Variants in DGKI observed in about 807,000 individuals in gnomAD.
The protein encoded by DGKI is diacylglycerol kinase iota, also known as DAG kinase iota.
Under a neutral mutation model 147.5 loss-of-function variants are expected in DGKI, and 55 were observed. The ratio of observed to expected loss-of-function variants is 0.37; its 90% CI spans 0.30 to 0.47. The LOEUF is 0.47. Ranked by LOEUF, DGKI falls within the 20% of genes least tolerant of loss-of-function variation. The pLI is 1.00. For missense variants in DGKI, 1,007 were observed against 1,323.8 expected (o/e 0.76, Z 3.71); for synonymous variants, 469 against 477.1 (o/e 0.98, Z 0.22).
intron 5 of DGKI, among the ~76,000 whole-genome samples, chr7:137,654,332 C>A (rs1444250230): frequency 6.6e-6 from 1 of 152,132 alleles, no homozygotes; most frequent in Non-Finnish European, 1.5e-5. Context: ...TACTGTGCTG[C>A]CCCATGAATG....
In DGKI at chr7:137,642,929, AGTGTGTGTGTGTGT is replaced by A. The variant is rs1207086851; in HGVS notation, c.804+2529_804+2542del. 2.6e-4 allele frequency among the ~76,000 whole-genome samples: 32 copies of A among 121,208 alleles called. 1 individual carries two copies. In the East Asian group the frequency reaches 2.7e-3, roughly 10 times the overall value. 79.5% of individuals were successfully genotyped at this position (121,208 alleles called of 152,430 possible). On this transcript the variant is annotated intron_variant, in intron 6 of 32. Coordinates refer to ENST00000614521, the MANE Select transcript of DGKI (RefSeq NM_001321708.2). ...CATCCCAATGAGTAAATTATGGAAT[AGTGTGTGTGTGTGT>A]GTGTGTGTGTGTGTGTGTGTGTGTG... is the stretch of plus-strand genomic sequence containing the variant.
intron 1 of DGKI, among the ~76,000 whole-genome samples, chr7:137,757,609 G>A (rs895587654): frequency 5.3e-5 from 8 of 151,944 alleles, no homozygotes; most frequent in East Asian, 3.9e-4. Flanking sequence ...GTCTAAAACC[G>A]TACCCATTAT....
intron 23 of DGKI, among the ~76,000 whole-genome samples, chr7:137,482,560 C>G (rs781072736): frequency 1.3e-5 from 2 of 151,956 alleles, no homozygotes; most frequent in Non-Finnish European, 2.9e-5. Context: ...CCCCTTGGAT[C>G]TAACAGGCAT....
intron 1 of DGKI, among the ~76,000 whole-genome samples, chr7:137,701,282 A>G (rs1308421755): frequency 6.6e-6 from 1 of 152,208 alleles, no homozygotes; most frequent in Non-Finnish European, 1.5e-5. Context: ...ACATTCAAAC[A>G]AATCTGGGAG....
chr7:137,399,934 GAA>G (rs1811691157), intron 30 of DGKI, among the ~76,000 whole-genome samples: 1 of 151,230 alleles, frequency 6.6e-6, no homozygotes, highest in Non-Finnish European at 1.5e-5. Flanking sequence ...AAGAAAGAAA[GAA>G]AAGAGTCAAT....
At chr7:137,670,289 T>C (rs1164367974) in intron 3 of DGKI, among the ~76,000 whole-genome samples, 1 of 152,232 alleles carries the variant, frequency 6.6e-6, no homozygotes, top group Admixed American at 6.5e-5. Flanking sequence ...AGCCTACATA[T>C]ACTATCACTA....
At chr7:137,820,805 G>A (rs1473879037) in intron 1 of DGKI, among the ~76,000 whole-genome samples, 1 of 152,100 alleles carries the variant, frequency 6.6e-6, no homozygotes, top group African/African-American at 2.4e-5. Flanking sequence ...CTCTGGAGGT[G>A]GGGCTGTGTG....
intron 1 of DGKI, among the ~76,000 whole-genome samples, chr7:137,712,010 A>G (rs1442719769): frequency 6.6e-6 from 1 of 152,056 alleles, no homozygotes. Context: ...CCTGCTTCTG[A>G]GGATTGCTTT....
intron 19 of DGKI, among the ~76,000 whole-genome samples, chr7:137,553,947 G>A (rs926867037): frequency 2.0e-5 from 3 of 152,120 alleles, no homozygotes; most frequent in African/African-American, 4.8e-5. Context: ...GAGTCTAACC[G>A]GACTGAAAAT....
chr7:137,783,369 G>A (rs1273320006), intron 1 of DGKI, among the ~76,000 whole-genome samples: 1 of 152,052 alleles, frequency 6.6e-6, no homozygotes, highest in Non-Finnish European at 1.5e-5. Context: ...ACAAACAGAA[G>A]GAAGAATTTC....
At chr7:137,739,642 C>A (rs1027154188) in intron 1 of DGKI, among the ~76,000 whole-genome samples, 1 of 152,146 alleles carries the variant, frequency 6.6e-6, no homozygotes, top group African/African-American at 2.4e-5. Context: ...GCCCTGCACA[C>A]AACATAGTCA....
At chr7:137,533,163 A>G (rs834079) in intron 20 of DGKI, among the ~76,000 whole-genome samples, 1 of 151,796 alleles carries the variant, frequency 6.6e-6, no homozygotes, top group South Asian at 2.1e-4. Flanking sequence ...GTGGCATGCA[A>G]CTGTTGTCCT....
intron 1 of DGKI, among the ~76,000 whole-genome samples, chr7:137,731,603 C>A (rs1794887604): frequency 6.6e-6 from 1 of 152,088 alleles, no homozygotes. Context: ...TCAAATCAGG[C>A]CCATATGTGT....
In DGKI at chr7:137,645,714, G is replaced by A. The variant is rs371577100; in HGVS notation, c.739-177C>T. 3.7e-4 allele frequency among the ~76,000 whole-genome samples: 57 copies of A among 152,316 alleles called. 2 individuals are homozygous for A. The South Asian group carries it at 0.012, about 32-fold the overall frequency. The stretch of plus-strand genomic sequence containing the variant: ...CCTGAATAGTGGGAACTACAGGCAT[G>A]AGCTACTGCACTTGATTGAGTATGT... On this transcript the variant is annotated intron_variant, in intron 5 of 32. Transcript: ENST00000614521.
intron 27 of DGKI, among the ~76,000 whole-genome samples, chr7:137,463,244 G>A (rs929155975): frequency 2.6e-5 from 4 of 152,210 alleles, no homozygotes; most frequent in African/African-American, 7.2e-5. Flanking sequence ...AGTATGTGGA[G>A]GTCCACGTGC....
intron 1 of DGKI, among the ~76,000 whole-genome samples, chr7:137,841,450 T>G (rs1798541890): frequency 6.6e-6 from 1 of 152,234 alleles, no homozygotes; most frequent in South Asian, 2.1e-4. Flanking sequence ...CTTCTGACCT[T>G]TCTTTCAAAG....
intron 31 of DGKI, chr7:137,396,038 C>T (rs1401836155): frequency 4.9e-6 from 1 of 203,726 alleles, no homozygotes; most frequent in South Asian, 1.2e-4. Context: ...AAGCCATTCT[C>T]TCTGTGCATA....
intron 3 of DGKI, among the ~76,000 whole-genome samples, chr7:137,661,031 G>A (rs1822407643): frequency 6.6e-6 from 1 of 152,176 alleles, no homozygotes; most frequent in African/African-American, 2.4e-5. Flanking sequence ...TTGACACCCA[G>A]GAAGCAGGTA....
chr7:137,547,983 A>T (rs963571556), intron 20 of DGKI, among the ~76,000 whole-genome samples: 2 of 152,180 alleles, frequency 1.3e-5, no homozygotes, highest in African/African-American at 2.4e-5. Flanking sequence ...TGTTCCAGGA[A>T]CAGCAATCTT....
Sources: gnomAD v4.1 joint callset for allele counts (sites outside exome capture counted in the v4.1 genomes callset) on GRCh38, gnomAD v4.1.1 for gene constraint, MANE v1.5 for transcripts, NCBI Gene and HGNC (gene_info 2026-07-23, HGNC 2026-07-21) for gene names.